Variants in PPARGC1A observed in about 807,000 individuals in gnomAD.
PPARGC1A encodes PPARG coactivator 1 alpha, also known as peroxisome proliferator-activated receptor gamma coactivator 1-alpha.
A neutral mutation model predicts 88.7 loss-of-function variants in PPARGC1A; 25 were observed. The observed-to-expected ratio is 0.28, with a 90% CI of 0.21 to 0.39. PPARGC1A has a LOEUF of 0.39. Among genes scored for constraint, PPARGC1A ranks in the 10% least tolerant of loss-of-function variants. The pLI is 1.00. For missense variants in PPARGC1A, 880 were observed against 968.7 expected (o/e 0.91, Z 1.22); for synonymous variants, 363 against 355.6 (o/e 1.02, Z -0.24).
chr4:24,266,547 G>C, the PPARGC1A span, among the ~76,000 whole-genome samples: 1 of 152,040 alleles, frequency 6.6e-6, no homozygotes, highest in Non-Finnish European at 1.5e-5. Context: ...CCCAGAGGAG[G>C]GTAAGTTAGC....
chr4:24,451,634 C>G, the PPARGC1A span, among the ~76,000 whole-genome samples: 5 of 152,148 alleles, frequency 3.3e-5, no homozygotes, highest in African/African-American at 1.2e-4. Context: ...CTGGAGTGCA[C>G]TGGCACCATC....
chr4:24,129,671 T>C, the PPARGC1A span, among the ~76,000 whole-genome samples: 1 of 152,184 alleles, frequency 6.6e-6, no homozygotes, highest in Non-Finnish European at 1.5e-5. Context: ...TTATAAATCA[T>C]GCTGCTATAA....
the PPARGC1A span, among the ~76,000 whole-genome samples, chr4:24,334,012 C>T: frequency 3.5e-5 from 5 of 144,438 alleles, no homozygotes; most frequent in Admixed American, 2.1e-4. Context: ...CATTGGCTCT[C>T]AAATTCAGGG....
At chr4:24,089,606 G>T in the PPARGC1A span, among the ~76,000 whole-genome samples, 1 of 150,584 alleles carries the variant, frequency 6.6e-6, no homozygotes, top group Admixed American at 6.6e-5. Context: ...CGCCTCCCGG[G>T]TTCACGCCAT....
At chr4:24,041,912 CAA>C in the PPARGC1A span, among the ~76,000 whole-genome samples, 4 of 136,438 alleles carry the variant, frequency 2.9e-5, no homozygotes, top group Admixed American at 7.3e-5. Context: ...GGCATCCCAC[CAA>C]AAAAAAAAAG....
At chr4:23,837,948 G>A (rs1018334626) in intron 2 of PPARGC1A, among the ~76,000 whole-genome samples, 5 of 152,150 alleles carry the variant, frequency 3.3e-5, no homozygotes, top group Non-Finnish European at 7.4e-5. Flanking sequence ...GATGCATAAA[G>A]TTTGATTCAA....
the PPARGC1A span, among the ~76,000 whole-genome samples, chr4:24,387,920 A>AAG: frequency 5.2e-5 from 1 of 19,064 alleles, no homozygotes; most frequent in African/African-American, 1.1e-4. Context: ...GAAAGAAAGA[A>AAG]AGAAAGAAAG....
upstream of PPARGC1A, among the ~76,000 whole-genome samples, chr4:23,902,764 A>G (rs917813792): frequency 6.6e-6 from 1 of 150,862 alleles, no homozygotes; most frequent in African/African-American, 2.4e-5. Flanking sequence ...TACAAAATGC[A>G]CCCGCCTCTC....
chr4:23,885,136 A>G (rs768662166), intron 1 of PPARGC1A, among the ~76,000 whole-genome samples: 1 of 152,198 alleles, frequency 6.6e-6, no homozygotes, highest in Non-Finnish European at 1.5e-5. Flanking sequence ...GCTTTATTCC[A>G]TCCAAAAGCT....
chr4:23,988,719 C>T, the PPARGC1A span, among the ~76,000 whole-genome samples: 80 of 151,092 alleles, frequency 5.3e-4, no homozygotes, highest in East Asian at 4.3e-3. Context: ...TAATTTGCAT[C>T]GTAAGTTTAT....
chr4:23,908,144 CA>C (rs1417169230), upstream of PPARGC1A, among the ~76,000 whole-genome samples: 6 of 152,154 alleles, frequency 3.9e-5, no homozygotes, highest in Non-Finnish European at 8.8e-5. Flanking sequence ...ACATTGCCAC[CA>C]AGTGTAACTC....
chr4:24,082,421 C>T, the PPARGC1A span, among the ~76,000 whole-genome samples: 1 of 152,090 alleles, frequency 6.6e-6, no homozygotes, highest in Non-Finnish European at 1.5e-5. Context: ...TTCCCTCAGT[C>T]CCTTTGGCCA....
chr4:23,976,243 C>T, the PPARGC1A span, among the ~76,000 whole-genome samples: 1 of 152,158 alleles, frequency 6.6e-6, no homozygotes, highest in Non-Finnish European at 1.5e-5. Context: ...GATCCTAAAA[C>T]CTAGTGATTT....
the PPARGC1A span, among the ~76,000 whole-genome samples, chr4:24,136,122 A>T: frequency 2.8e-4 from 42 of 152,324 alleles, no homozygotes; most frequent in African/African-American, 9.6e-4. Context: ...ATGAGAGAGC[A>T]GTGTTGAAAT....
Position 23,814,166 on chromosome 4 carries a change from C to T in PPARGC1A, c.1317G>A (p.Glu439=), listed in dbSNP as rs769230252. The change falls in exon 8 of 13, where the codon GAG becomes GAA. Residue 439 remains glutamate (E), a synonymous_variant. Transcript: ENST00000264867. The part of the protein sequence containing the change: ...SDQCYLRETL[E]ASKQVSPCST... ...TGCAAGGAGAGACCTGCTTGCTTGCCTCCAAAGTCTCTCTCAGGTAGCACT... is the reference window on the plus strand; with the variant it reads ...TGCAAGGAGAGACCTGCTTGCTTGCTTCCAAAGTCTCTCTCAGGTAGCACT... 2 of 1,614,042 alleles carry T rather than the reference C, an allele frequency of 1.2e-6. No individual in the cohort carries two copies. The highest frequency in any genetic ancestry group is 2.2e-5 in the South Asian group (2 of 91,084).
At chr4:24,172,828 C>T in the PPARGC1A span, among the ~76,000 whole-genome samples, 3 of 152,166 alleles carry the variant, frequency 2.0e-5, no homozygotes, top group African/African-American at 7.2e-5. Context: ...AATACACCGC[C>T]GTGTTTCCTT....
At chr4:24,109,964 G>A in the PPARGC1A span, among the ~76,000 whole-genome samples, 1 of 152,266 alleles carries the variant, frequency 6.6e-6, no homozygotes, top group African/African-American at 2.4e-5. Context: ...GCCTAGAGAG[G>A]AAGTGAGGCA....
the PPARGC1A span, among the ~76,000 whole-genome samples, chr4:23,932,850 T>C: frequency 1.3e-5 from 2 of 152,142 alleles, no homozygotes; most frequent in African/African-American, 2.4e-5. Flanking sequence ...CAAAATTCCA[T>C]AGCAATTTGC....
At chr4:23,802,048 G>A (rs2109347527) in intron 11 of PPARGC1A, among the ~76,000 whole-genome samples, 167 bp from the exon 12 acceptor site, 1 of 152,060 alleles carries the variant, frequency 6.6e-6, no homozygotes, top group East Asian at 1.9e-4. Flanking sequence ...TCTGGGACAG[G>A]AAATCTCAAC....
Sources: allele counts gnomAD v4.1 joint callset (sites outside exome capture counted in the v4.1 genomes callset), GRCh38; gene constraint gnomAD v4.1.1; transcripts MANE v1.5; gene names NCBI Gene and HGNC (gene_info 2026-07-23, HGNC 2026-07-21).